The following TMIGD3 variants were observed in gnomAD, a reference collection of about 807,000 sequenced individuals.
TMIGD3 encodes AD026 protein (AD026).
In TMIGD3, 21 loss-of-function variants were observed where a neutral mutation model predicts 28.1. That is an observed-to-expected ratio of 0.75 (90% confidence interval 0.53 to 1.08). The LOEUF (loss-of-function observed/expected upper bound fraction) is 1.08. Ranked by LOEUF, TMIGD3 falls within the 50% of genes least tolerant of loss-of-function variation. TMIGD3 has a pLI of 0.00. For synonymous variants in TMIGD3, 151 were observed against 162.1 expected (o/e 0.93, Z 0.52); for missense variants, 416 against 435.6 (o/e 0.96, Z 0.40).
At chr1:111,490,404 T>C (rs1268733015) in intron 2 of TMIGD3, 1 of 498,646 alleles carries the variant, frequency 2.0e-6, no homozygotes, top group South Asian at 3.0e-5. Context: ...TTTCAGTATA[T>C]GTGCTGCCAA....
chr1:111,501,915 G>A (rs1342923660), intron 1 of TMIGD3, among the ~76,000 whole-genome samples: 5 of 150,828 alleles, frequency 3.3e-5, no homozygotes, highest in Admixed American at 6.7e-5. Flanking sequence ...TTGGCAGTTC[G>A]TTCTATTCAT....
upstream of TMIGD3, chr1:111,503,942 A>T: frequency 2.0e-6 from 2 of 985,448 alleles, no homozygotes; most frequent in Non-Finnish European, 2.4e-6. Flanking sequence ...TGACTATGCA[A>T]TCTTTCTGCC....
At chr1:111,550,526 A>G (rs897666194) in intron 1 of TMIGD3, among the ~76,000 whole-genome samples, 10 of 151,842 alleles carry the variant, frequency 6.6e-5, no homozygotes, top group Non-Finnish European at 1.0e-4. Flanking sequence ...ACATTTTTCT[A>G]TGTTATGTTT....
At chr1:111,499,645 C>T in intron 1 of TMIGD3, 1 of 1,145,656 alleles carries the variant, frequency 8.7e-7, no homozygotes, top group Non-Finnish European at 1.1e-6. Context: ...AACTAGGCAC[C>T]CTTCAGGCTC....
upstream of TMIGD3, among the ~76,000 whole-genome samples, chr1:111,506,840 C>A (rs1655506218): frequency 6.7e-6 from 1 of 149,574 alleles, no homozygotes; most frequent in African/African-American, 2.5e-5. Context: ...GAGCTCTGGG[C>A]CAGAAAGGAA....
Position 111,503,142 on chromosome 1 carries a change from A to C in TMIGD3, c.213T>G (p.Val71=), listed in dbSNP as rs142571597. 13 of 1,614,232 alleles carry C rather than the reference A, an allele frequency of 8.1e-6. No homozygotes were observed. In the African/African-American group the frequency reaches 1.5e-4, roughly 18 times the overall value. ...VGVLVMPLAI[V]VSLGITIHFY... ...AGTGGATTGTGATGCCCAGGCTGAC[A>C]ACAATGGCCAAAGGCATGACCAGCA... The change falls in exon 1 of 6, where the codon GTT becomes GTG. Residue 71 remains valine, a synonymous_variant. Coordinates refer to ENST00000369716, the MANE Select transcript of TMIGD3 (RefSeq NM_020683.7).
intron 1 of TMIGD3, among the ~76,000 whole-genome samples, chr1:111,558,084 AAG>A (rs1657576048): frequency 6.6e-6 from 1 of 152,200 alleles, no homozygotes; most frequent in Non-Finnish European, 1.5e-5. Context: ...AAGAAATAGA[AAG>A]TGCACATTTA....
chr1:111,506,459 C>G (rs545200182), upstream of TMIGD3, among the ~76,000 whole-genome samples: 1 of 152,326 alleles, frequency 6.6e-6, no homozygotes, highest in South Asian at 2.1e-4. Context: ...TTATGCTGAG[C>G]AAGTTGAGAC....
chr1:111,540,031 G>A (rs1362647519), intron 1 of TMIGD3, among the ~76,000 whole-genome samples: 3 of 151,798 alleles, frequency 2.0e-5, no homozygotes, highest in East Asian at 1.9e-4. Flanking sequence ...AGATACACAG[G>A]GAAACTGAAA....
intron 1 of TMIGD3, 121 bp downstream of exon 1, chr1:111,502,884 G>A: frequency 6.5e-6 from 8 of 1,239,030 alleles, no homozygotes; most frequent in Non-Finnish European, 8.9e-6. Flanking sequence ...GACACTTATT[G>A]CCCTCTTTCA....
At chr1:111,496,104 G>A (rs1654877261) in intron 1 of TMIGD3, among the ~76,000 whole-genome samples, 1 of 152,120 alleles carries the variant, frequency 6.6e-6, no homozygotes, top group Admixed American at 6.6e-5. Context: ...ACAAACCTAT[G>A]AAATTACCTA....
upstream of TMIGD3, chr1:111,505,030 G>A: frequency 1.0e-6 from 1 of 981,054 alleles, no homozygotes; most frequent in East Asian, 1.2e-4. Flanking sequence ...CCTCCAATGT[G>A]TCCCTCATAA....
At chr1:111,486,262 T>C (rs969643985) in intron 4 of TMIGD3, among the ~76,000 whole-genome samples, 6 of 152,186 alleles carry the variant, frequency 3.9e-5, no homozygotes, top group Admixed American at 3.9e-4. Flanking sequence ...TTCGTGATGA[T>C]GTTCCTGACA....
At chr1:111,507,125 C>T (rs1655535928), upstream of TMIGD3, among the ~76,000 whole-genome samples, 1 of 150,710 alleles carries the variant, frequency 6.6e-6, no homozygotes, top group Non-Finnish European at 1.5e-5. Context: ...TGGCTGTTTT[C>T]AATTTTACTA....
intron 1 of TMIGD3, among the ~76,000 whole-genome samples, chr1:111,532,837 A>G (rs1656500152): frequency 6.6e-6 from 1 of 152,186 alleles, no homozygotes; most frequent in Non-Finnish European, 1.5e-5. Context: ...CTCTAGTCCA[A>G]GGGTGAAGAT....
intron 1 of TMIGD3, among the ~76,000 whole-genome samples, chr1:111,552,891 C>G (rs1324909180): frequency 6.6e-6 from 1 of 152,198 alleles, no homozygotes; most frequent in Non-Finnish European, 1.5e-5. Context: ...ATAGTGAACA[C>G]TCAAAAATTG....
Position 111,560,551 on chromosome 1 carries a change from C to T in TMIGD3, c.107+3295G>A, listed in dbSNP as rs557479423. 7.2e-5 allele frequency among the ~76,000 whole-genome samples: 11 copies of T among 151,794 alleles called. 1 individual carries two copies. The South Asian group carries it at 1.0e-3, about 14-fold the overall frequency. On this transcript the variant is annotated intron_variant, in intron 1 of 5. Coordinates refer to the TMIGD3 transcript ENST00000369717. ...TCACTGAGGCTGGAGTGCAATGGCA[C>T]GATCATAGCTCACTGCAGCCTCAAA...
chr1:111,491,253 C>A (rs1377841470), intron 1 of TMIGD3, among the ~76,000 whole-genome samples: 1 of 152,252 alleles, frequency 6.6e-6, no homozygotes, highest in Non-Finnish European at 1.5e-5. Flanking sequence ...CAGTAGCCTG[C>A]GTGCCTGGGA....
At position 111,485,725 on chromosome 1, in the gene TMIGD3, A is replaced by AAAAAATCAAAAAAACC; in HGVS notation, c.973+14_973+15insGGTTTTTTTGATTTTT. On this transcript the variant is annotated intron_variant, in intron 5 of 5. Coordinates refer to ENST00000369716, the MANE Select transcript of TMIGD3 (RefSeq NM_020683.7). ...TAATTCTTGCCCACCCCCTCCCTCAACAATAGCTACTTACCCCTTCTATTC... is the reference window on the plus strand; with the variant it reads ...TAATTCTTGCCCACCCCCTCCCTCAAAAAAATCAAAAAAACCCAATAGCTACTTACCCCTTCTATTC... 7.0e-7 allele frequency: 1 copy of AAAAAATCAAAAAAACC among 1,419,110 alleles called. No homozygotes were observed. Among genetic ancestry groups the AAAAAATCAAAAAAACC allele is most frequent in the Non-Finnish European group, 9.8e-7 (1 of 1,022,714 alleles). The allele number at this position is 1,419,110 out of a possible 1,614,324, so 87.9% of individuals were successfully genotyped here. A position where few individuals can be genotyped will look rare whatever the true frequency, so the allele number is the denominator to read the frequency against.
Sources: allele counts gnomAD v4.1 joint callset (sites outside exome capture counted in the v4.1 genomes callset), GRCh38; gene constraint gnomAD v4.1.1; transcripts MANE v1.5; gene names NCBI Gene and HGNC (gene_info 2026-07-23, HGNC 2026-07-21).